EFHC1: variants seen among roughly 807,000 people sequenced by gnomAD.
EFHC1 encodes EF-hand domain containing 1.
In EFHC1, 53 loss-of-function variants were observed where a neutral mutation model predicts 69.9. The observed-to-expected ratio is 0.76, with a 90% confidence interval of 0.61 to 0.95. The LOEUF (loss-of-function observed/expected upper bound fraction) is 0.95. EFHC1 is among the 40% of genes least tolerant of loss of function. The pLI is 0.00. For synonymous variants in EFHC1, 256 were observed against 278.4 expected, an observed-to-expected ratio of 0.92 and a Z score of 0.80; for missense variants, 739 against 798.7, an observed-to-expected ratio of 0.93 and a Z score of 0.90.
intron 7 of EFHC1, among the ~76,000 whole-genome samples, chr6:52,471,559 A>C (rs1765435770): frequency 6.6e-6 from 1 of 152,194 alleles, no homozygotes. Context: ...GATTTCAGAT[A>C]CTGGCACTAT....
At chr6:52,422,195 C>T (rs1581808126) in intron 1 of EFHC1, among the ~76,000 whole-genome samples, 1 of 151,972 alleles carries the variant, frequency 6.6e-6, no homozygotes, top group East Asian at 1.9e-4. Flanking sequence ...TGGAAAGGGC[C>T]GAGGTTGCCT....
In EFHC1 at chr6:52,493,369, T is replaced by C. The variant is rs774448574; in HGVS notation, c.*1028T>C. 14 of 183,302 alleles carry C rather than the reference T, an allele frequency of 7.6e-5. 1 individual carries two copies. In the South Asian group the frequency reaches 1.0e-3, roughly 13 times the overall value. 11.4% of individuals were successfully genotyped at this position (183,302 alleles called of 1,614,324 possible). On this transcript the variant is annotated 3_prime_UTR_variant, in exon 11 of 11. Coordinates refer to ENST00000371068, the MANE Select transcript of EFHC1 (RefSeq NM_018100.4). The stretch of plus-strand genomic sequence containing the variant: ...CTCTCTCTTTCTCTCTCTCTACATA[T>C]ATATATATATATATATTTTATATGT...
intron 5 of EFHC1, among the ~76,000 whole-genome samples, chr6:52,463,421 C>T (rs1329230066): frequency 6.6e-6 from 1 of 151,984 alleles, no homozygotes; most frequent in Non-Finnish European, 1.5e-5. Flanking sequence ...TAAACATTTC[C>T]CACAAAAAAT....
In EFHC1 at chr6:52,438,527, G is replaced by A. The variant is rs1764588221; in HGVS notation, c.509G>A (p.Arg170Gln). ...GDHYHWKDLN[R>Q]GINITIYGKT... ...CATTACCATTGGAAAGACCTAAATCGAGGAATAAACATCACAATTTATGGC... is the reference window on the plus strand; with the variant it reads ...CATTACCATTGGAAAGACCTAAATCAAGGAATAAACATCACAATTTATGGC... The change falls in exon 3 of 11, where the codon CGA becomes CAA. Residue 170 changes from arginine to glutamine, a missense_variant. Arg to Gln is a conservative substitution (Grantham distance 43, BLOSUM62 1). Transcript: ENST00000371068. 1.9e-6 allele frequency: 3 copies of A among 1,614,026 alleles called. No individual in the cohort carries two copies. The highest frequency in any genetic ancestry group is 2.5e-6 in the Non-Finnish European group (3 of 1,179,962).
intron 4 of EFHC1, 158 bp downstream of exon 4, chr6:52,452,995 G>A (rs753392746): frequency 9.6e-6 from 15 of 1,556,114 alleles, no homozygotes; most frequent in African/African-American, 4.1e-5. Context: ...TTTCATCAAG[G>A]GTTACAGGTA....
In EFHC1 at chr6:52,452,709, A is replaced by G. The variant is rs759793242; in HGVS notation, c.595A>G (p.Ile199Val). ...TTAGGTATTTTTAGAAAGCCAAGGA[A>G]TTGAGTTAAATCCACCAGAGAAGAT... is the stretch of plus-strand genomic sequence containing the variant. ...FTQVFLESQG[I>V]ELNPPEKMAL... Residue 199 changes from isoleucine to valine, a missense_variant, in exon 4 of 11, where the codon ATT becomes GTT. By Grantham distance (29) the Ile-to-Val change is conservative. Transcript: ENST00000371068. 3.7e-6 allele frequency: 6 copies of G among 1,614,186 alleles called. No individual in the cohort carries two copies. Among genetic ancestry groups the G allele is most frequent in the Non-Finnish European group, 5.1e-6 (6 of 1,180,022 alleles).
At chr6:52,469,152 G>A in intron 6 of EFHC1, 181 bp from the exon 7 acceptor site, 2 of 733,740 alleles carry the variant, frequency 2.7e-6, no homozygotes, top group Admixed American at 2.9e-5. Context: ...TGAACATGAT[G>A]CAAAATCCAC....
intron 3 of EFHC1, among the ~76,000 whole-genome samples, chr6:52,450,502 A>G (rs1050076857): frequency 3.9e-5 from 6 of 152,138 alleles, no homozygotes; most frequent in African/African-American, 1.4e-4. Flanking sequence ...TTGGGTGCAT[A>G]TGTATTTAGC....
Position 52,492,401 on chromosome 6 carries a change from C to T in EFHC1, c.*60C>T. ...ACTGGAACTATGCTTTGAAATACAC[C>T]TTACACTCTTCATAGAGGCATTTAC... On this transcript the variant is annotated 3_prime_UTR_variant, in exon 11 of 11. Transcript: ENST00000371068. 6.7e-7 allele frequency: 1 copy of T among 1,485,534 alleles called. No individual in the cohort carries two copies. Among genetic ancestry groups the T allele is most frequent in the South Asian group, 1.1e-5 (1 of 87,504 alleles). 92.0% of individuals were successfully genotyped at this position (1,485,534 alleles called of 1,614,324 possible).
intron 10 of EFHC1, chr6:52,490,964 T>C (rs1472486859): frequency 6.5e-6 from 1 of 153,798 alleles, no homozygotes; most frequent in Non-Finnish European, 1.4e-5. Flanking sequence ...TGCCAAGGAC[T>C]GTGGCTTATG....
chr6:52,481,838 TA>T (rs1765683550), intron 9 of EFHC1: 1 of 152,110 alleles, frequency 6.6e-6, no homozygotes, highest in Admixed American at 6.5e-5. Context: ...GGAGTTAATG[TA>T]GCTAAAGAAA....
chr6:52,490,436 T>C, intron 10 of EFHC1, 86 bp downstream of exon 10: 2 of 1,162,758 alleles, frequency 1.7e-6, no homozygotes, highest in South Asian at 1.2e-5. Flanking sequence ...TGTATTTCAC[T>C]ACAACTGGGC....
At chr6:52,462,983 TA>T (rs1765206525) in intron 5 of EFHC1, among the ~76,000 whole-genome samples, 1 of 151,822 alleles carries the variant, frequency 6.6e-6, no homozygotes, top group African/African-American at 2.4e-5. Flanking sequence ...AAAACTTAGG[TA>T]AAATGAGTAA....
At chr6:52,468,616 C>T (rs1377897483) in intron 6 of EFHC1, 1 of 152,746 alleles carries the variant, frequency 6.5e-6, no homozygotes, top group Non-Finnish European at 1.5e-5. Context: ...AAGTGCAAAG[C>T]AAGTTCAGAT....
intron 7 of EFHC1, among the ~76,000 whole-genome samples, chr6:52,472,677 T>C (rs1765464186): frequency 7.4e-6 from 1 of 135,058 alleles, no homozygotes; most frequent in South Asian, 2.1e-4. Context: ...ACAAGAGATA[T>C]GTAATATCTT....
intron 5 of EFHC1, among the ~76,000 whole-genome samples, chr6:52,460,969 A>G (rs571314433): frequency 6.6e-6 from 1 of 152,364 alleles, no homozygotes; most frequent in African/African-American, 2.4e-5. Context: ...TTAAAAGAAC[A>G]ATATTGAATT....
At chr6:52,460,879 G>A (rs1765149632) in intron 5 of EFHC1, among the ~76,000 whole-genome samples, 1 of 152,128 alleles carries the variant, frequency 6.6e-6, no homozygotes, top group Non-Finnish European at 1.5e-5. Context: ...GAATGCAGAA[G>A]TAAAGTCTAA....
rs763860717 is a variant in EFHC1, at chr6:52,492,268, A to G, written c.1852-2A>G. The G allele has an allele frequency of 1.9e-6, 3 of 1,613,856 alleles. No homozygotes were observed. In the South Asian group the frequency reaches 3.3e-5, roughly 18 times the overall value. On this transcript the variant is annotated splice_acceptor_variant, in intron 10 of 10. Coordinates refer to ENST00000371068, the MANE Select transcript of EFHC1 (RefSeq NM_018100.4). LOFTEE classifies it high-confidence loss of function. ...CACCTATTCTCTTTGCTCTCTCTGC[A>G]GTTAATCAGGATGTGCTCTCATGGA...
Position 52,479,197 on chromosome 6 carries a change from A to G in EFHC1, c.1439A>G (p.Asp480Gly). Residue 480 changes from aspartate to glycine, a missense_variant, in exon 8 of 11, where the codon GAC becomes GGC. Asp to Gly is a moderately conservative substitution (Grantham distance 94, BLOSUM62 -1). Coordinates refer to ENST00000371068, the MANE Select transcript of EFHC1 (RefSeq NM_018100.4). ...TKVVKPYSTV[D>G]NPVYYGPSDF... ...GTTGTTAAACCATACTCTACAGTGG[A>G]CAACCCTGTCTACTATGGCCCCAGT... The G allele has an allele frequency of 6.2e-7, 1 of 1,614,154 alleles. No individual in the cohort carries two copies. The highest frequency in any genetic ancestry group is 8.5e-7 in the Non-Finnish European group (1 of 1,180,000).
Sources: gnomAD v4.1 joint callset for allele counts (sites outside exome capture counted in the v4.1 genomes callset) on GRCh38, gnomAD v4.1.1 for gene constraint, MANE v1.5 for transcripts, NCBI Gene and HGNC (gene_info 2026-07-23, HGNC 2026-07-21) for gene names.